RBFOX1: variants seen among roughly 807,000 people sequenced by gnomAD.
RBFOX1 encodes RNA binding protein fox-1 homolog 1.
Under a neutral mutation model 57.7 loss-of-function variants are expected in RBFOX1, and 8 were observed. The ratio of observed to expected loss-of-function variants is 0.14; its 90% CI spans 0.08 to 0.25. The LOEUF (loss-of-function observed/expected upper bound fraction) is 0.25. RBFOX1 is among the 10% of genes least tolerant of loss of function. The probability of loss-of-function intolerance (pLI) is 1.00; values close to 1 mark genes in which losing one functional copy is unlikely to be tolerated. For missense variants in RBFOX1, 611 were observed against 548.5 expected (o/e 1.11, Z -1.14); for synonymous variants, 326 against 222.4 (o/e 1.47, Z -4.15).
intron 4 of RBFOX1, among the ~76,000 whole-genome samples, chr16:7,202,433 T>G (rs76507233): frequency 6.6e-6 from 1 of 152,090 alleles, no homozygotes; most frequent in Admixed American, 6.5e-5. Context: ...TCCCAAATAA[T>G]TAAAAATAGA....
chr16:6,039,616 C>T (rs911488495), intron 1 of RBFOX1, among the ~76,000 whole-genome samples: 2 of 152,136 alleles, frequency 1.3e-5, no homozygotes, highest in African/African-American at 4.8e-5. Flanking sequence ...TTCCTAGGCC[C>T]CAGTTTGACA....
intron 4 of RBFOX1, among the ~76,000 whole-genome samples, chr16:7,380,710 C>T (rs551885617): frequency 8.9e-4 from 135 of 152,290 alleles, no homozygotes; most frequent in African/African-American, 3.2e-3. Flanking sequence ...CAACTGTTTT[C>T]GTTTGCACCT....
intron 14 of RBFOX1, among the ~76,000 whole-genome samples, chr16:7,685,304 C>G (rs1193346955): frequency 3.3e-5 from 5 of 152,154 alleles, no homozygotes; most frequent in Admixed American, 6.6e-5. Flanking sequence ...TCTCTACTCT[C>G]CCTTCTTCAA....
chr16:7,305,573 C>A (rs1357746225), intron 4 of RBFOX1, among the ~76,000 whole-genome samples: 2 of 152,154 alleles, frequency 1.3e-5, no homozygotes, highest in Non-Finnish European at 2.9e-5. Context: ...AGTGTGTGAA[C>A]AGAACTTCCT....
chr16:7,019,979 CTT>C (rs60617980), intron 3 of RBFOX1, among the ~76,000 whole-genome samples: 5 of 143,636 alleles, frequency 3.5e-5, no homozygotes. Flanking sequence ...CTGGCTCTCT[CTT>C]TTTTTTTTTT....
chr16:7,569,080 C>G (rs549981990), intron 5 of RBFOX1, among the ~76,000 whole-genome samples: 1 of 151,938 alleles, frequency 6.6e-6, no homozygotes, highest in Non-Finnish European at 1.5e-5. Context: ...TATCCGTTAT[C>G]GCTTTTTCTT....
At chr16:5,549,792 A>G (rs1285225556) in intron 2 of RBFOX1, among the ~76,000 whole-genome samples, 1 of 152,168 alleles carries the variant, frequency 6.6e-6, no homozygotes, top group East Asian at 1.9e-4. Flanking sequence ...TTTGGTTTGG[A>G]AGTGGATGTC....
At chr16:6,212,688 C>T (rs1398446934) in intron 1 of RBFOX1, among the ~76,000 whole-genome samples, 1 of 150,984 alleles carries the variant, frequency 6.6e-6, no homozygotes, top group African/African-American at 2.4e-5. Flanking sequence ...GCCTGGGTGA[C>T]AGAGTGAGAG....
At chr16:7,691,734 G>T (rs757288914) in intron 14 of RBFOX1, among the ~76,000 whole-genome samples, 1 of 150,484 alleles carries the variant, frequency 6.6e-6, no homozygotes, top group Admixed American at 6.6e-5. Flanking sequence ...CAGTTCCTTA[G>T]GGAAAATTGC....
intron 3 of RBFOX1, among the ~76,000 whole-genome samples, chr16:5,855,531 A>G (rs538642504): frequency 2.6e-5 from 4 of 152,290 alleles, no homozygotes; most frequent in African/African-American, 9.6e-5. Flanking sequence ...TCAGTTGACT[A>G]TAGATGGCTG....
At chr16:5,765,508 G>T (rs2151657956) in intron 3 of RBFOX1, among the ~76,000 whole-genome samples, 1 of 152,266 alleles carries the variant, frequency 6.6e-6, no homozygotes, top group South Asian at 2.1e-4. Context: ...ATTTTATGAG[G>T]GCAAGGACTT....
chr16:5,699,594 A>G (rs934175665), intron 3 of RBFOX1, among the ~76,000 whole-genome samples: 2 of 152,100 alleles, frequency 1.3e-5, no homozygotes, highest in Admixed American at 1.3e-4. Context: ...CCTCCAGTTA[A>G]GAGACATTTT....
At position 7,304,401 on chromosome 16, in the gene RBFOX1, G is replaced by T. The variant is rs902142229; in HGVS notation, c.28-213746G>T. 2.2e-5 allele frequency: 22 copies of T among 985,290 alleles called. No homozygotes were observed. In the African/African-American group the frequency reaches 3.7e-4, roughly 16 times the overall value. 61.0% of individuals were successfully genotyped at this position (985,290 alleles called of 1,614,324 possible). A position where few individuals can be genotyped will look rare whatever the true frequency, so the allele number is the denominator to read the frequency against. On this transcript the variant is annotated intron_variant, in intron 4 of 15. Coordinates refer to ENST00000550418, the MANE Select transcript of RBFOX1 (RefSeq NM_018723.4). ...AGAGAGACATGATGCAGCATCCTCT[G>T]ACGGGGGCCACCTGCGTGGCGCTCC...
At chr16:6,856,243 G>T (rs1282450597) in intron 3 of RBFOX1, among the ~76,000 whole-genome samples, 1 of 152,122 alleles carries the variant, frequency 6.6e-6, no homozygotes, top group Non-Finnish European at 1.5e-5. Context: ...CATCAAGGCA[G>T]CCTCCATCTG....
At chr16:6,741,079 A>G (rs1009436173) in intron 3 of RBFOX1, among the ~76,000 whole-genome samples, 1 of 152,214 alleles carries the variant, frequency 6.6e-6, no homozygotes, top group Non-Finnish European at 1.5e-5. Context: ...AACATTGACC[A>G]GCTGATTTTT....
intron 3 of RBFOX1, among the ~76,000 whole-genome samples, chr16:6,693,782 C>T (rs1400703247): frequency 2.3e-4 from 35 of 151,686 alleles, no homozygotes; most frequent in Admixed American, 2.2e-3. Context: ...CATCATCTTC[C>T]TCCGCTGCCA....
At chr16:7,305,868 T>G (rs2096170619) in intron 4 of RBFOX1, among the ~76,000 whole-genome samples, 1 of 152,230 alleles carries the variant, frequency 6.6e-6, no homozygotes, top group South Asian at 2.1e-4. Context: ...AAGAGAGTAT[T>G]GATAACATAT....
chr16:5,610,199 C>T (rs2047725544), intron 3 of RBFOX1: 1 of 152,222 alleles, frequency 6.6e-6, no homozygotes. Flanking sequence ...GTGTTTTGCT[C>T]ATTCTTGTAT....
chr16:6,653,798 A>G (rs538698692), intron 2 of RBFOX1, among the ~76,000 whole-genome samples: 1 of 151,042 alleles, frequency 6.6e-6, no homozygotes, highest in Admixed American at 6.6e-5. Context: ...GGATGGATGG[A>G]TGAGTAGACG....
Sources: gnomAD v4.1 joint callset for allele counts (sites outside exome capture counted in the v4.1 genomes callset) on GRCh38, gnomAD v4.1.1 for gene constraint, MANE v1.5 for transcripts, NCBI Gene and HGNC (gene_info 2026-07-23, HGNC 2026-07-21) for gene names.